The following MTHFD2L variants were observed in gnomAD, a reference collection of about 807,000 sequenced individuals.
The protein encoded by MTHFD2L is methylenetetrahydrofolate dehydrogenase (NADP+ dependent) 2 like.
In MTHFD2L, 29 loss-of-function variants were observed where a neutral mutation model predicts 34.9. The ratio of observed to expected loss-of-function variants is 0.83; its 90% CI spans 0.62 to 1.13. The LOEUF (loss-of-function observed/expected upper bound fraction) is 1.13. MTHFD2L is among the 50% of genes most tolerant of loss of function. MTHFD2L has a pLI of 0.00. For synonymous variants in MTHFD2L, 167 were observed against 155.7 expected, an observed-to-expected ratio of 1.07 and a Z score of -0.54; for missense variants, 481 against 446.5, an observed-to-expected ratio of 1.08 and a Z score of -0.70.
intron 6 of MTHFD2L, among the ~76,000 whole-genome samples, chr4:74,263,449 T>C (rs1317411743): frequency 1.3e-5 from 2 of 152,138 alleles, no homozygotes; most frequent in African/African-American, 2.4e-5. Flanking sequence ...TGATTCTTTC[T>C]ATCCATGAAC....
intron 6 of MTHFD2L, among the ~76,000 whole-genome samples, chr4:74,251,648 C>T (rs781348979): frequency 3.3e-5 from 5 of 152,144 alleles, no homozygotes; most frequent in Non-Finnish European, 7.4e-5. Context: ...CATGCCCTCA[C>T]TGCCACAAGC....
At chr4:74,187,379 A>G (rs989427947) in intron 3 of MTHFD2L, among the ~76,000 whole-genome samples, 5 of 152,194 alleles carry the variant, frequency 3.3e-5, no homozygotes, top group Admixed American at 3.3e-4. Flanking sequence ...GACAGAAAAA[A>G]CTTTTGAAAT....
intron 6 of MTHFD2L, among the ~76,000 whole-genome samples, chr4:74,256,391 G>T (rs922593205): frequency 5.3e-5 from 8 of 152,128 alleles, no homozygotes; most frequent in Non-Finnish European, 8.8e-5. Context: ...GGGATTACAG[G>T]TGTGAGCCAC....
intron 6 of MTHFD2L, among the ~76,000 whole-genome samples, chr4:74,263,634 GTGT>G (rs1744948929): frequency 6.6e-6 from 1 of 151,796 alleles, no homozygotes; most frequent in Non-Finnish European, 1.5e-5. Flanking sequence ...CTCTTGACTG[GTGT>G]TGTTATATAG....
chr4:74,299,109 A>G lies in MTHFD2L; in HGVS notation c.932-2588A>G, dbSNP rs59426069. ...TAATATCAAAGCTGCTTTACCTTTCAAAGTTAGAAACCAAACTATATAAAA... is the reference window on the plus strand; with the variant it reads ...TAATATCAAAGCTGCTTTACCTTTCGAAGTTAGAAACCAAACTATATAAAA... On this transcript the variant is annotated intron_variant, in intron 7 of 7. Transcript: ENST00000325278. Among the ~76,000 whole-genome samples, 519 of 152,046 alleles carry G rather than the reference A, an allele frequency of 3.4e-3. 3 individuals carry two copies. The highest frequency in any genetic ancestry group is 0.012 in the African/African-American group (495 of 41,528).
chr4:74,192,084 A>G (rs993107125), intron 3 of MTHFD2L, among the ~76,000 whole-genome samples: 2 of 152,154 alleles, frequency 1.3e-5, no homozygotes, highest in African/African-American at 4.8e-5. Context: ...AAAGAAAAAG[A>G]CAGAAATTTC....
intron 6 of MTHFD2L, among the ~76,000 whole-genome samples, chr4:74,245,425 A>C (rs1261784111): frequency 6.6e-6 from 1 of 151,970 alleles, no homozygotes; most frequent in African/African-American, 2.4e-5. Flanking sequence ...ATTAAATATA[A>C]GTCATTAAGT....
chr4:74,302,053 G>A lies in MTHFD2L; in HGVS notation c.*244G>A, dbSNP rs1018641105. The A allele has an allele frequency of 2.1e-5, 7 of 326,636 alleles. No homozygotes were observed. The highest frequency in any genetic ancestry group is 1.5e-4 in the African/African-American group (7 of 46,464). 20.2% of individuals were successfully genotyped at this position (326,636 alleles called of 1,614,324 possible). A position where few individuals can be genotyped will look rare whatever the true frequency, so the allele number is the denominator to read the frequency against. ...TTTAGTAACAATTGTTTATTTTGAG[G>A]GTATTTGTTCATAACATTAAAACAA... On this transcript the variant is annotated 3_prime_UTR_variant, in exon 8 of 8. Transcript: ENST00000325278.
At chr4:74,191,362 TCG>T (rs1359293744) in intron 3 of MTHFD2L, among the ~76,000 whole-genome samples, 2 of 147,706 alleles carry the variant, frequency 1.4e-5, no homozygotes, top group Non-Finnish European at 3.0e-5. Context: ...CTTTACCTGG[TCG>T]TTTTTTTTTT....
At chr4:74,256,729 A>G (rs942596387) in intron 6 of MTHFD2L, among the ~76,000 whole-genome samples, 32 of 152,204 alleles carry the variant, frequency 2.1e-4, no homozygotes, top group African/African-American at 7.0e-4. Context: ...GGGGAAACGT[A>G]TAACTATTTG....
chr4:74,156,348 A>G (rs1724255540), upstream of MTHFD2L, among the ~76,000 whole-genome samples: 1 of 152,224 alleles, frequency 6.6e-6, no homozygotes, highest in Admixed American at 6.5e-5. Flanking sequence ...TAGCCTTTTC[A>G]GACTACCTTC....
intron 6 of MTHFD2L, among the ~76,000 whole-genome samples, chr4:74,281,130 A>T (rs1297614753): frequency 6.6e-6 from 1 of 151,954 alleles, no homozygotes; most frequent in Non-Finnish European, 1.5e-5. Flanking sequence ...CATTCATAGT[A>T]TGTGACATAC....
chr4:74,217,469 G>A (rs1303379796), intron 5 of MTHFD2L, among the ~76,000 whole-genome samples: 1 of 151,754 alleles, frequency 6.6e-6, no homozygotes, highest in Non-Finnish European at 1.5e-5. Flanking sequence ...GCTGTTCTGT[G>A]CATGATTACT....
chr4:74,151,569 T>C lies in MTHFD2L; in HGVS notation c.-296-8486T>C, dbSNP rs1278441059. ...AGTTATCTAGCCTATTTTACCTGTT[T>C]CCTCATAGCTTCATTGTGGTAAGGG... On this transcript the variant is annotated intron_variant, in intron 1 of 7. Transcript: ENST00000433372. Among the ~76,000 whole-genome samples the C allele has an allele frequency of 5.3e-5, 8 of 152,296 alleles. No homozygotes were observed. In the East Asian group the frequency reaches 1.5e-3, roughly 29 times the overall value.
chr4:74,225,223 G>A, intron 5 of MTHFD2L, 79 bp from the exon 6 acceptor site: 4 of 1,073,256 alleles, frequency 3.7e-6, no homozygotes, highest in Non-Finnish European at 5.6e-6. Flanking sequence ...GGAAATAAGT[G>A]AAACTCTTCT....
At chr4:74,241,557 T>G in intron 6 of MTHFD2L, 1 of 448,762 alleles carries the variant, frequency 2.2e-6, no homozygotes. Context: ...AATTTTTGTA[T>G]TTTTTGTAGA....
intron 6 of MTHFD2L, among the ~76,000 whole-genome samples, chr4:74,268,772 T>C (rs1193503121): frequency 6.6e-6 from 1 of 152,150 alleles, no homozygotes; most frequent in East Asian, 1.9e-4. Flanking sequence ...AAATATCCAG[T>C]TGCGGCTGTA....
chr4:74,198,436 A>G (rs1464097705), intron 3 of MTHFD2L, among the ~76,000 whole-genome samples: 1 of 152,176 alleles, frequency 6.6e-6, no homozygotes, highest in Non-Finnish European at 1.5e-5. Context: ...GAACTTAGAA[A>G]TAAACTAATT....
At chr4:74,278,921 A>G (rs1380340164) in intron 6 of MTHFD2L, among the ~76,000 whole-genome samples, 1 of 152,120 alleles carries the variant, frequency 6.6e-6, no homozygotes, top group Non-Finnish European at 1.5e-5. Context: ...AGACCTCAAT[A>G]GACCTTACAA....
Sources: gnomAD v4.1 joint callset for allele counts (sites outside exome capture counted in the v4.1 genomes callset) on GRCh38, gnomAD v4.1.1 for gene constraint, MANE v1.5 for transcripts, NCBI Gene and HGNC (gene_info 2026-07-23, HGNC 2026-07-21) for gene names.